The following ADGRL2 variants were observed in gnomAD, a reference collection of about 807,000 sequenced individuals.
ADGRL2 encodes the protein calcium-independent alpha-latrotoxin receptor 2.
Under a neutral mutation model 157.4 loss-of-function variants are expected in ADGRL2, and 44 were observed. The ratio of observed to expected loss-of-function variants is 0.28; its 90% CI spans 0.22 to 0.36. The LOEUF (loss-of-function observed/expected upper bound fraction) is 0.36, where lower values mean the gene tolerates loss of function less well. Ranked by LOEUF, ADGRL2 falls within the 10% of genes least tolerant of loss-of-function variation. The pLI, the probability that ADGRL2 is intolerant of heterozygous loss-of-function variation, is 1.00. For synonymous variants in ADGRL2, 585 were observed against 624.7 expected, an observed-to-expected ratio of 0.94 and a Z score of 0.95; for missense variants, 1,510 against 1,768.9, an observed-to-expected ratio of 0.85 and a Z score of 2.63.
chr1:81,656,390 G>A (rs912541713), intron 3 of ADGRL2, among the ~76,000 whole-genome samples: 3 of 152,182 alleles, frequency 2.0e-5, no homozygotes, highest in African/African-American at 4.8e-5. Flanking sequence ...TTCAAACCTA[G>A]ATGTGACTGG....
At chr1:81,550,894 A>G (rs1320862132) in intron 2 of ADGRL2, among the ~76,000 whole-genome samples, 1 of 152,114 alleles carries the variant, frequency 6.6e-6, no homozygotes, top group African/African-American at 2.4e-5. Flanking sequence ...AGCTCCAGGA[A>G]GGGAATCTAG....
At chr1:81,328,111 T>C (rs756850722) in intron 1 of ADGRL2, among the ~76,000 whole-genome samples, 2 of 152,112 alleles carry the variant, frequency 1.3e-5, no homozygotes, top group Non-Finnish European at 2.9e-5. Context: ...CAAAGTGCCA[T>C]AAGGAGCATT....
At chr1:81,323,465 C>T (rs1203751317) in intron 1 of ADGRL2, among the ~76,000 whole-genome samples, 1 of 137,298 alleles carries the variant, frequency 7.3e-6, no homozygotes. Context: ...GTTACCCAGG[C>T]TGGTCTTGAA....
At chr1:81,521,019 G>A (rs1441014415) in intron 2 of ADGRL2, among the ~76,000 whole-genome samples, 1 of 152,196 alleles carries the variant, frequency 6.6e-6, no homozygotes, top group Admixed American at 6.5e-5. Context: ...AAGCCAGAAA[G>A]TTTCACACAC....
chr1:81,363,244 G>A (rs1341494801), intron 1 of ADGRL2, among the ~76,000 whole-genome samples: 1 of 151,978 alleles, frequency 6.6e-6, no homozygotes, highest in Non-Finnish European at 1.5e-5. Context: ...TTTAATCTTG[G>A]AAAAAGAGGC....
intron 1 of ADGRL2, among the ~76,000 whole-genome samples, chr1:81,747,732 T>TGTGC (rs1490737647): frequency 6.7e-6 from 1 of 148,640 alleles, no homozygotes; most frequent in Non-Finnish European, 1.5e-5. Context: ...TGTGTGTGTG[T>TGTGC]GTGTAAGAGA....
intron 3 of ADGRL2, chr1:81,596,284 T>G (rs768495121): frequency 1.9e-5 from 11 of 568,738 alleles, no homozygotes; most frequent in Non-Finnish European, 3.7e-5. Flanking sequence ...TCCCATGTCT[T>G]AGAACCTTCA....
intron 2 of ADGRL2, among the ~76,000 whole-genome samples, chr1:81,858,204 G>T (rs2150696189): frequency 6.6e-6 from 1 of 152,180 alleles, no homozygotes; most frequent in East Asian, 1.9e-4. Context: ...AGCAGTGTTG[G>T]TTTAGATTAA....
chr1:81,421,294 A>G (rs564273032), intron 1 of ADGRL2, among the ~76,000 whole-genome samples: 20 of 152,214 alleles, frequency 1.3e-4, no homozygotes, highest in African/African-American at 7.2e-5. Flanking sequence ...CATCTTACTT[A>G]TGGAGGATGT....
intron 2 of ADGRL2, among the ~76,000 whole-genome samples, chr1:81,839,914 CATATATATATGATGGA>C (rs2092482604): frequency 1.6e-5 from 2 of 126,342 alleles, no homozygotes; most frequent in African/African-American, 6.2e-5. Flanking sequence ...TATTTTCCAT[CATATATATATGATGGA>C]ATATATATAT....
chr1:81,966,381 T>C (rs1435745337), intron 12 of ADGRL2, 23 bp from the exon 13 acceptor site: 2 of 1,604,776 alleles, frequency 1.2e-6, no homozygotes, highest in South Asian at 1.1e-5. Context: ...TTGTACATCA[T>C]GTGACTATTT....
In ADGRL2 at chr1:81,965,329, G is replaced by A. The variant is rs377472540; in HGVS notation, c.2018-729G>A. On this transcript the variant is annotated intron_variant, in intron 11 of 23. Coordinates refer to ENST00000686636, the MANE Select transcript of ADGRL2 (RefSeq NM_001366006.2). ...TATACAAATGAATAAGCATGATTGTGTTCCAATAAAACTTTATTTACAAAA... is the reference window on the plus strand; with the variant it reads ...TATACAAATGAATAAGCATGATTGTATTCCAATAAAACTTTATTTACAAAA... Among the ~76,000 whole-genome samples, 17 of 152,292 alleles carry A rather than the reference G, an allele frequency of 1.1e-4. No homozygotes were observed. In the East Asian group the frequency reaches 1.2e-3, roughly 10 times the overall value.
At chr1:81,353,146 T>C (rs1224056166) in intron 1 of ADGRL2, among the ~76,000 whole-genome samples, 2 of 152,120 alleles carry the variant, frequency 1.3e-5, no homozygotes, top group Non-Finnish European at 2.9e-5. Context: ...ATCTCAAAAT[T>C]TGCACCCAGG....
At chr1:81,864,285 C>T (rs536533541) in intron 2 of ADGRL2, among the ~76,000 whole-genome samples, 102 of 132,474 alleles carry the variant, frequency 7.7e-4, no homozygotes, top group Non-Finnish European at 8.7e-4. Flanking sequence ...GAATTAAGTG[C>T]CAAGTCATGT....
At chr1:81,485,737 ATAAG>A (rs1186930144) in intron 2 of ADGRL2, among the ~76,000 whole-genome samples, 2 of 152,146 alleles carry the variant, frequency 1.3e-5, no homozygotes, top group East Asian at 3.9e-4. Context: ...TGCTTATAAG[ATAAG>A]TAAACAAACA....
At chr1:81,910,526 A>G (rs576082248) in intron 3 of ADGRL2, among the ~76,000 whole-genome samples, 1 of 151,868 alleles carries the variant, frequency 6.6e-6, no homozygotes, top group South Asian at 2.1e-4. Flanking sequence ...ATACCTCTTA[A>G]CTGGACTGTT....
intron 2 of ADGRL2, among the ~76,000 whole-genome samples, chr1:81,870,336 T>C (rs1009352646): frequency 2.0e-5 from 3 of 152,096 alleles, no homozygotes; most frequent in Non-Finnish European, 4.4e-5. Context: ...CGTTCATACA[T>C]TTAAATGTTC....
At chr1:81,836,701 T>C (rs1243514913) in intron 1 of ADGRL2, among the ~76,000 whole-genome samples, 184 bp from the exon 2 acceptor site, 1 of 152,082 alleles carries the variant, frequency 6.6e-6, no homozygotes, top group Non-Finnish European at 1.5e-5. Flanking sequence ...GTCAACCTTT[T>C]TGGGCTTTTG....
intron 1 of ADGRL2, among the ~76,000 whole-genome samples, chr1:81,743,245 G>A (rs2085130053): frequency 6.6e-6 from 1 of 151,992 alleles, no homozygotes. Flanking sequence ...AGAATGTAGG[G>A]AATGAATGGA....
Sources: gnomAD v4.1 joint callset for allele counts (sites outside exome capture counted in the v4.1 genomes callset) on GRCh38, gnomAD v4.1.1 for gene constraint, MANE v1.5 for transcripts, NCBI Gene and HGNC (gene_info 2026-07-23, HGNC 2026-07-21) for gene names.